The following PPARG variants were observed in gnomAD, a reference collection of about 807,000 sequenced individuals.
PPARG encodes peroxisome proliferator activated receptor gamma.
A neutral mutation model predicts 39.2 loss-of-function variants in PPARG; 17 were observed. The observed-to-expected ratio is 0.43, with a 90% CI of 0.30 to 0.65. The LOEUF is 0.65. PPARG is among the 30% of genes least tolerant of loss of function. The probability of loss-of-function intolerance (pLI) is 0.13; values close to 1 mark genes in which losing one functional copy is unlikely to be tolerated. For missense variants in PPARG, 406 were observed against 585.9 expected, an observed-to-expected ratio of 0.69 and a Z score of 3.17; for synonymous variants, 223 against 215.7, an observed-to-expected ratio of 1.03 and a Z score of -0.30.
At chr3:12,336,886 T>G (rs2048027592) in intron 2 of PPARG, among the ~76,000 whole-genome samples, 1 of 152,158 alleles carries the variant, frequency 6.6e-6, no homozygotes, top group African/African-American at 2.4e-5. Context: ...TTGTGGACAT[T>G]TAAGTTTGAA....
intron 2 of PPARG, among the ~76,000 whole-genome samples, chr3:12,319,612 G>A (rs1158224914): frequency 6.6e-6 from 1 of 151,602 alleles, no homozygotes. Context: ...ATGAAGTATT[G>A]TGATAATTAC....
intron 4 of PPARG, among the ~76,000 whole-genome samples, chr3:12,392,256 A>C (rs1049038321): frequency 6.6e-6 from 1 of 152,184 alleles, no homozygotes; most frequent in African/African-American, 2.4e-5. Flanking sequence ...TGTTGGAATG[A>C]TTTGCAGAGA....
intron 2 of PPARG, chr3:12,328,140 C>T: frequency 4.7e-6 from 6 of 1,280,028 alleles, no homozygotes; most frequent in Non-Finnish European, 5.7e-6. Context: ...AAGCAATTCA[C>T]AATCAACTGT....
intron 2 of PPARG, among the ~76,000 whole-genome samples, chr3:12,364,629 A>T (rs2048956302): frequency 6.6e-6 from 1 of 152,206 alleles, no homozygotes; most frequent in Non-Finnish European, 1.5e-5. Flanking sequence ...AAATGGCCAC[A>T]CTGTCTTCCA....
intron 6 of PPARG, among the ~76,000 whole-genome samples, chr3:12,410,982 A>G (rs1160999650): frequency 6.6e-6 from 1 of 152,196 alleles, no homozygotes; most frequent in Non-Finnish European, 1.5e-5. Flanking sequence ...ACCCCAGTAG[A>G]AATAAAATCA....
chr3:12,356,363 G>C (rs1410159813), intron 2 of PPARG, among the ~76,000 whole-genome samples: 1 of 152,180 alleles, frequency 6.6e-6, no homozygotes, highest in Non-Finnish European at 1.5e-5. Flanking sequence ...AGATCACGTG[G>C]CTATTTGAGT....
At position 12,406,099 on chromosome 3, in the gene PPARG, G is replaced by A; in HGVS notation, c.729+18G>A. On this transcript the variant is annotated intron_variant, in intron 6 of 7. Coordinates refer to ENST00000651735, the MANE Select transcript of PPARG (RefSeq NM_138711.6). ...ACAAATCAGTTAGTTCTCTTCTGCT[G>A]TCTTCATTGGGGGAGGCGGGAAGTT... is the stretch of plus-strand genomic sequence containing the variant. 6.2e-7 allele frequency: 1 copy of A among 1,612,816 alleles called. No individual in the cohort carries two copies. The highest frequency in any genetic ancestry group is 1.3e-5 in the African/African-American group (1 of 75,036).
intron 2 of PPARG, among the ~76,000 whole-genome samples, chr3:12,369,335 T>C (rs2049128001): frequency 6.6e-6 from 1 of 151,846 alleles, no homozygotes; most frequent in Non-Finnish European, 1.5e-5. Context: ...GTACAGAAAA[T>C]ACAAAAATTA....
At chr3:12,363,228 T>A (rs1411729918) in intron 2 of PPARG, among the ~76,000 whole-genome samples, 1 of 152,198 alleles carries the variant, frequency 6.6e-6, no homozygotes, top group Admixed American at 6.5e-5. Flanking sequence ...CCTAGAATAT[T>A]TTTTATAGTG....
chr3:12,362,656 G>T (rs1320954091), intron 2 of PPARG, among the ~76,000 whole-genome samples: 1 of 151,890 alleles, frequency 6.6e-6, no homozygotes, highest in Non-Finnish European at 1.5e-5. Context: ...ATTATTCTTT[G>T]TCTTTTTCCT....
At chr3:12,419,965 C>A (rs1415630293) in intron 7 of PPARG, among the ~76,000 whole-genome samples, 1 of 152,080 alleles carries the variant, frequency 6.6e-6, no homozygotes, top group East Asian at 1.9e-4. Flanking sequence ...ATTACATGGT[C>A]ATTTTATAAT....
chr3:12,291,593 TAGG>T (rs1206649120), intron 1 of PPARG, among the ~76,000 whole-genome samples: 2 of 152,202 alleles, frequency 1.3e-5, no homozygotes, highest in Non-Finnish European at 2.9e-5. Flanking sequence ...GCACTTAAAG[TAGG>T]TTCTTGGGAT....
In PPARG at chr3:12,405,820, C is replaced by T. The variant is rs192312813; in HGVS notation, c.530-62C>T. ...TGTGGGAACGAGGGCTGGGAGAGCA[C>T]AGTGTGTGTTCAGAGCAGTAGTAAT... is the stretch of plus-strand genomic sequence containing the variant. On this transcript the variant is annotated intron_variant, in intron 5 of 7. Coordinates refer to ENST00000651735, the MANE Select transcript of PPARG (RefSeq NM_138711.6). 227 of 1,533,322 alleles carry T rather than the reference C, an allele frequency of 1.5e-4. No individual in the cohort carries two copies. In the African/African-American group the frequency reaches 2.9e-3, roughly 20 times the overall value. The allele number at this position is 1,533,322 out of a possible 1,614,324, so 95.0% of individuals were successfully genotyped here. A position where few individuals can be genotyped will look rare whatever the true frequency, so the allele number is the denominator to read the frequency against.
intron 2 of PPARG, among the ~76,000 whole-genome samples, chr3:12,345,379 A>G (rs2048296433): frequency 6.6e-6 from 1 of 152,208 alleles, no homozygotes; most frequent in Non-Finnish European, 1.5e-5. Flanking sequence ...TGACATTTTC[A>G]TAGGTAATTC....
chr3:12,339,621 T>TA (rs1207216246), intron 2 of PPARG, among the ~76,000 whole-genome samples: 1 of 152,218 alleles, frequency 6.6e-6, no homozygotes, highest in African/African-American at 2.4e-5. Flanking sequence ...ATGGATCCAG[T>TA]AACTACAGTA....
intron 1 of PPARG, among the ~76,000 whole-genome samples, chr3:12,290,450 G>T (rs2046619976): frequency 6.6e-6 from 1 of 151,930 alleles, no homozygotes; most frequent in South Asian, 2.1e-4. Flanking sequence ...TATTTTTAAT[G>T]ATAAAATATA....
chr3:12,301,116 G>T (rs752592907), intron 1 of PPARG, among the ~76,000 whole-genome samples: 1 of 152,144 alleles, frequency 6.6e-6, no homozygotes, highest in Non-Finnish European at 1.5e-5. Flanking sequence ...AGACAAAATG[G>T]GATATGAAAG....
intron 7 of PPARG, 83 bp from the exon 8 acceptor site, chr3:12,433,815 A>G: frequency 6.3e-7 from 1 of 1,591,244 alleles, no homozygotes; most frequent in Non-Finnish European, 8.6e-7. Context: ...GTTGCTTGGT[A>G]GAGCTGCCTA....
chr3:12,299,801 T>A (rs2046882954), intron 1 of PPARG, among the ~76,000 whole-genome samples: 1 of 152,148 alleles, frequency 6.6e-6, no homozygotes. Flanking sequence ...AAACTTTTTT[T>A]CTTGGGAGAT....
Sources: allele counts gnomAD v4.1 joint callset (sites outside exome capture counted in the v4.1 genomes callset), GRCh38; gene constraint gnomAD v4.1.1; transcripts MANE v1.5; gene names NCBI Gene and HGNC (gene_info 2026-07-23, HGNC 2026-07-21).